EPS15L1: variants seen among roughly 807,000 people sequenced by gnomAD.
The protein encoded by EPS15L1 is epidermal growth factor receptor substrate 15-like 1.
Under a neutral mutation model 117.1 loss-of-function variants are expected in EPS15L1, and 43 were observed. The observed-to-expected ratio is 0.37, with a 90% CI of 0.29 to 0.47. The LOEUF (loss-of-function observed/expected upper bound fraction) is 0.47, where lower values mean the gene tolerates loss of function less well. Ranked by LOEUF, EPS15L1 falls within the 20% of genes least tolerant of loss-of-function variation. EPS15L1 has a pLI of 0.99. For missense variants in EPS15L1, 981 were observed against 1,164.0 expected, an observed-to-expected ratio of 0.84 and a Z score of 2.29; for synonymous variants, 459 against 470.5, an observed-to-expected ratio of 0.98 and a Z score of 0.32.
rs898778840 is a variant in EPS15L1, at chr19:16,404,970, C to T, written c.1267-221G>A. Among the ~76,000 whole-genome samples, 1 of 152,210 alleles carries T rather than the reference C, an allele frequency of 6.6e-6. No homozygotes were observed. The highest frequency in any genetic ancestry group is 1.5e-5 in the Non-Finnish European group (1 of 68,042). ...ACCAGCTCCCTCAGCAGGTATTTCC[C>T]GATGGCCTAACAGAGGCCAGGTGCG... On this transcript the variant is annotated intron_variant, in intron 13 of 23. Transcript: ENST00000455140. The surrounding 1 kb of genome is among the most constrained non-coding windows in gnomAD (Gnocchi z 4.2).
chr19:16,453,606 G>C (rs953821329), intron 1 of EPS15L1, among the ~76,000 whole-genome samples: 1 of 152,052 alleles, frequency 6.6e-6, no homozygotes, highest in Non-Finnish European at 1.5e-5. Context: ...CCAGCTACTC[G>C]GGAGGCTGAA....
rs1279185940 is a variant in EPS15L1 at position 16,370,124 on chromosome 19, GA to G, written c.2380+6997del. On this transcript the variant is annotated intron_variant, in intron 22 of 23. Transcript: ENST00000455140. This position sits in a 1 kb window ranked among gnomAD's most constrained non-coding sequence, Gnocchi z 5.2. ...TGAAAGGACCCAAAAGAGCCCCTGG[GA>G]GGGGAGCAAGTGAGGCGCAGAGCCC... Among the ~76,000 whole-genome samples, 1 of 152,244 alleles carries G rather than the reference GA, an allele frequency of 6.6e-6. No homozygotes were observed. The highest frequency in any genetic ancestry group is 1.5e-5 in the Non-Finnish European group (1 of 68,044).
At chr19:16,448,627 T>C (rs1421139707) in intron 1 of EPS15L1, among the ~76,000 whole-genome samples, 1 of 151,086 alleles carries the variant, frequency 6.6e-6, no homozygotes, top group Admixed American at 6.6e-5. Context: ...GCGGATCACC[T>C]GGGGTCAGGA....
chr19:16,432,758 G>A (rs559985307), intron 7 of EPS15L1, among the ~76,000 whole-genome samples: 35 of 152,154 alleles, frequency 2.3e-4, no homozygotes, highest in African/African-American at 7.2e-4. Flanking sequence ...GTGACAGAGC[G>A]AGACTCTGTC....
chr19:16,436,242 T>C (rs558058105), intron 6 of EPS15L1, among the ~76,000 whole-genome samples: 1 of 152,260 alleles, frequency 6.6e-6, no homozygotes, highest in South Asian at 2.1e-4. Context: ...CATGTCAGGA[T>C]TTAAGCCACA....
intron 16 of EPS15L1, chr19:16,401,518 T>C (rs1401399193): frequency 4.1e-6 from 4 of 985,252 alleles, no homozygotes; most frequent in Admixed American, 1.2e-4. Flanking sequence ...CAAGGAAACA[T>C]CCAGACATGC....
chr19:16,420,742 A>G (rs568648549), intron 10 of EPS15L1, among the ~76,000 whole-genome samples: 12 of 152,350 alleles, frequency 7.9e-5, no homozygotes, highest in East Asian at 1.9e-4. Flanking sequence ...AGCCCTGGCC[A>G]GTGGCAAGAG....
intron 9 of EPS15L1, 67 bp from the exon 10 acceptor site, chr19:16,421,543 G>C (rs1324547902): frequency 6.6e-7 from 1 of 1,512,424 alleles, no homozygotes; most frequent in African/African-American, 1.4e-5. Flanking sequence ...CATGCTTTTT[G>C]ATGATGGGGC....
intron 15 of EPS15L1, 89 bp from the exon 16 acceptor site, chr19:16,402,574 C>A (rs1318010526): frequency 1.8e-5 from 23 of 1,257,826 alleles, no homozygotes; most frequent in Non-Finnish European, 2.4e-5. Context: ...CAGGGTCTCA[C>A]TCTGTCACCC....
chr19:16,410,479 C>A (rs781086056), intron 13 of EPS15L1, among the ~76,000 whole-genome samples: 23 of 152,168 alleles, frequency 1.5e-4, no homozygotes, highest in Non-Finnish European at 2.5e-4. Context: ...TACCATGTGG[C>A]CCAGCAAATT....
rs752845120 is a variant in EPS15L1, at chr19:16,398,422, C to T, written c.1792-2955G>A. Among the ~76,000 whole-genome samples, 45 of 152,206 alleles carry T rather than the reference C, an allele frequency of 3.0e-4. 1 individual carries two copies. The highest frequency in any genetic ancestry group is 1.0e-3 in the African/African-American group (43 of 41,532). On this transcript the variant is annotated intron_variant, in intron 16 of 23. Transcript: ENST00000455140. ...GTGCTGAGTGGACGTCAGGTGCTGA[C>T]GACCACAAGACACACACGCCCAGCA...
intron 16 of EPS15L1, 92 bp from the exon 17 acceptor site, chr19:16,395,559 T>A: frequency 7.8e-7 from 1 of 1,279,390 alleles, no homozygotes; most frequent in Non-Finnish European, 1.1e-6. Flanking sequence ...ATTTCCACTT[T>A]GAGTAGCATG....
Position 16,434,439 on chromosome 19 carries a change from T to C in EPS15L1, c.424A>G (p.Asn142Asp). ...DGIFESLLPI[N>D]GLLSGDKVKP... ...ACTTTGTCTCCAGAGAGCAAACCAT[T>C]GATGGGCAAGAGGCTTTCAAAAATC... The change falls in exon 7 of 24, where the codon AAT (asparagine) becomes GAT (aspartate). Residue 142 changes from asparagine to aspartate, a missense_variant. Physicochemically the swap from Asn to Asp is conservative, Grantham distance 23 (BLOSUM62 1). This residue lies in a region of EPS15L1 where 52 missense variants were observed against 53.1 expected (regional missense o/e 0.98). Transcript: ENST00000455140. The C allele has an allele frequency of 6.2e-7, 1 of 1,614,182 alleles. No homozygotes were observed.
intron 16 of EPS15L1, 26 bp from the exon 17 acceptor site, chr19:16,395,493 A>G: frequency 1.2e-6 from 2 of 1,609,528 alleles, no homozygotes; most frequent in Non-Finnish European, 1.7e-6. Flanking sequence ...GAAACAGGAC[A>G]GGGATTTTAT....
intron 8 of EPS15L1, among the ~76,000 whole-genome samples, chr19:16,428,064 A>G (rs2092890021): frequency 6.8e-6 from 1 of 146,318 alleles, no homozygotes; most frequent in African/African-American, 2.5e-5. Context: ...AGGTGGGCAT[A>G]GTGGCAGGTG....
intron 7 of EPS15L1, 100 bp downstream of exon 7, chr19:16,434,265 A>G (rs1268473219): frequency 2.0e-6 from 3 of 1,468,642 alleles, no homozygotes; most frequent in Non-Finnish European, 1.8e-6. Context: ...GGGAGAAAAC[A>G]GAGCAAGAGC....
intron 7 of EPS15L1, among the ~76,000 whole-genome samples, chr19:16,432,777 A>G (rs2092942062): frequency 6.6e-6 from 1 of 150,760 alleles, no homozygotes; most frequent in African/African-American, 2.4e-5. Context: ...TCTCACAAAC[A>G]AAACAAAACA....
intron 13 of EPS15L1, among the ~76,000 whole-genome samples, chr19:16,411,534 C>T (rs763125374): frequency 1.3e-5 from 2 of 152,112 alleles, no homozygotes; most frequent in Non-Finnish European, 2.9e-5. Flanking sequence ...GGTGATTATG[C>T]GAAACACCAC....
intron 1 of EPS15L1, among the ~76,000 whole-genome samples, chr19:16,466,486 G>C (rs540471828): frequency 6.6e-6 from 1 of 152,046 alleles, no homozygotes; most frequent in Admixed American, 6.6e-5. Context: ...CCCTCCCAAC[G>C]ATGTCAGCCC....
Sources: gnomAD v4.1 joint callset for allele counts (sites outside exome capture counted in the v4.1 genomes callset) on GRCh38, gnomAD v4.1.1 for gene constraint, gnomAD v4.1.1 regional missense constraint, Gnocchi (gnomAD v3.1) non-coding constraint, MANE v1.5 for transcripts, NCBI Gene and HGNC (gene_info 2026-07-23, HGNC 2026-07-21) for gene names.